The following CIT variants were observed in gnomAD, a reference collection of about 807,000 sequenced individuals.
CIT encodes citron rho-interacting serine/threonine kinase.
CIT carries 79 observed loss-of-function variants against 272.7 expected under a neutral mutation model. The ratio of observed to expected loss-of-function variants is 0.29; its 90% CI spans 0.24 to 0.35. The LOEUF is 0.35. Among genes scored for constraint, CIT ranks in the 10% least tolerant of loss-of-function variants. The pLI, the probability that CIT is intolerant of heterozygous loss-of-function variation, is 1.00. For synonymous variants in CIT, 948 were observed against 995.6 expected, an observed-to-expected ratio of 0.95 and a Z score of 0.90; for missense variants, 1,909 against 2,618.3, an observed-to-expected ratio of 0.73 and a Z score of 5.91.
rs1957126249 is a variant in CIT, at chr12:119,710,862, T to G, written c.4855-242A>C. ...CATCTGAGTTATAATTTGGCTGGGA[T>G]GCAGAAATAAGGGAGGGTAGTAGAC... On this transcript the variant is annotated intron_variant, in intron 37 of 47. Coordinates refer to ENST00000392521, the MANE Select transcript of CIT (RefSeq NM_001206999.2). The surrounding 1 kb of genome is among the most constrained non-coding windows in gnomAD (Gnocchi z 5.6). 1 of 625,200 alleles carries G rather than the reference T, an allele frequency of 1.6e-6. No homozygotes were observed. Among genetic ancestry groups the G allele is most frequent in the Non-Finnish European group, 2.7e-6 (1 of 372,450 alleles). The allele number at this position is 625,200 out of a possible 1,614,324, so 38.7% of individuals were successfully genotyped here.
intron 23 of CIT, chr12:119,742,939 G>A (rs1959131904): frequency 6.6e-6 from 1 of 152,220 alleles, no homozygotes. Flanking sequence ...AAGACAAAGG[G>A]ACTTTGTGTG....
At chr12:119,733,544 C>CA (rs1156258513) in intron 26 of CIT, among the ~76,000 whole-genome samples, 5 of 134,570 alleles carry the variant, frequency 3.7e-5, no homozygotes, top group Non-Finnish European at 6.4e-5. Context: ...AAAAAAAAAA[C>CA]AAAAAAAACC....
intron 7 of CIT, 69 bp from the exon 8 acceptor site, chr12:119,825,437 C>T (rs1367172069): frequency 3.6e-6 from 5 of 1,405,576 alleles, no homozygotes; most frequent in Non-Finnish European, 5.0e-6. Flanking sequence ...CCAACAGCCA[C>T]ATTTCAGACA....
rs1039853639 is a variant in CIT, at chr12:119,804,514, C to T, written c.1112-1125G>A. On this transcript the variant is annotated intron_variant, in intron 9 of 47. Transcript: ENST00000392521. The surrounding 1 kb of genome is among the most constrained non-coding windows in gnomAD (Gnocchi z 5.3). ...AGTGACAGAGCAGCATGAGTCACTG[C>T]CCGCCAGGGCTCGCTAGAGCTCCCC... 32 of 876,574 alleles carry T rather than the reference C, an allele frequency of 3.7e-5. No homozygotes were observed. Among genetic ancestry groups the T allele is most frequent in the Non-Finnish European group, 4.4e-5 (32 of 733,972 alleles). 54.3% of individuals were successfully genotyped at this position (876,574 alleles called of 1,614,324 possible). A position where few individuals can be genotyped will look rare whatever the true frequency, so the allele number is the denominator to read the frequency against.
chr12:119,725,554 T>G (rs1250890678), intron 28 of CIT, among the ~76,000 whole-genome samples: 1 of 152,198 alleles, frequency 6.6e-6, no homozygotes, highest in African/African-American at 2.4e-5. Flanking sequence ...ATGTGGACAA[T>G]AAAGAGCATT....
At chr12:119,703,018 T>A (rs1317280465) in intron 41 of CIT, among the ~76,000 whole-genome samples, 2 of 152,194 alleles carry the variant, frequency 1.3e-5, no homozygotes, top group African/African-American at 4.8e-5. Context: ...CCGGGAATCA[T>A]AAAGAAGCAA....
At position 119,804,917 on chromosome 12, in the gene CIT, T is replaced by A. The variant is rs1478862420; in HGVS notation, c.1112-1528A>T. ...CCAGTCTCTCAAGAGAATTTAAATC[T>A]TCCCTGTTAGTGTCAGAATCTACTT... On this transcript the variant is annotated intron_variant, in intron 9 of 47. Coordinates refer to ENST00000392521, the MANE Select transcript of CIT (RefSeq NM_001206999.2). The surrounding 1 kb of genome is among the most constrained non-coding windows in gnomAD (Gnocchi z 5.3). 6.6e-6 allele frequency among the ~76,000 whole-genome samples: 1 copy of A among 152,206 alleles called. No individual in the cohort carries two copies. The highest frequency in any genetic ancestry group is 1.5e-5 in the Non-Finnish European group (1 of 68,046).
intron 23 of CIT, among the ~76,000 whole-genome samples, chr12:119,743,989 TAAGA>T (rs1959171644): frequency 6.6e-6 from 1 of 152,208 alleles, no homozygotes; most frequent in Non-Finnish European, 1.5e-5. Context: ...TGGAAAATTT[TAAGA>T]AAGAAAGTGA....
intron 8 of CIT, 123 bp downstream of exon 8, chr12:119,825,042 C>T: frequency 1.4e-6 from 1 of 714,092 alleles, no homozygotes. Flanking sequence ...CCTCGTGATC[C>T]ACCCACCTCG....
chr12:119,697,829 G>A lies in CIT; in HGVS notation c.5712C>T (p.Ala1904=). 3 of 1,614,056 alleles carry A rather than the reference G, an allele frequency of 1.9e-6. No individual in the cohort carries two copies. The highest frequency in any genetic ancestry group is 2.5e-6 in the Non-Finnish European group (3 of 1,179,994). The change falls in exon 46 of 48, where the codon GCC becomes GCT. Residue 1904 remains alanine, a synonymous_variant. Coordinates refer to ENST00000392521, the MANE Select transcript of CIT (RefSeq NM_001206999.2). This position sits in a 1 kb window ranked among gnomAD's most constrained non-coding sequence, Gnocchi z 4.9. ...IQARSSAGTP[A]RAYLDIPNPR... is the part of the protein sequence containing the mutation. The stretch of plus-strand genomic sequence containing the variant: ...GGTTCGGGATGTCCAGGTACGCTCG[G>A]GCAGGGGTCCTGCAGAGTCCCAGAG...
intron 6 of CIT, 43 bp downstream of exon 6, chr12:119,834,043 A>G: frequency 6.4e-7 from 1 of 1,562,734 alleles, no homozygotes; most frequent in South Asian, 1.2e-5. Flanking sequence ...TATGCGACAC[A>G]GGAAAATCCT....
intron 3 of CIT, among the ~76,000 whole-genome samples, chr12:119,864,078 G>T (rs775873025): frequency 1.3e-5 from 2 of 151,208 alleles, no homozygotes; most frequent in Non-Finnish European, 2.9e-5. Flanking sequence ...TCAGATGCAC[G>T]TTTAACCTTC....
rs374314458 is a variant in CIT at position 119,735,368 on chromosome 12, A to C, written c.2959-11T>G. The C allele has an allele frequency of 1.0e-4, 168 of 1,613,598 alleles. No homozygotes were observed. Among genetic ancestry groups the C allele is most frequent in the Non-Finnish European group, 1.4e-4 (162 of 1,179,594 alleles). ...CAGGTCTGTGATTACCTAAAAGAGG[A>C]AAGGAATCCAGTTACACGCCAAGCA... On this transcript the variant is annotated splice_polypyrimidine_tract_variant and intron_variant, in intron 24 of 47. Coordinates refer to ENST00000392521, the MANE Select transcript of CIT (RefSeq NM_001206999.2).
intron 9 of CIT, among the ~76,000 whole-genome samples, chr12:119,821,227 G>A (rs972468434): frequency 2.6e-5 from 4 of 151,714 alleles, no homozygotes; most frequent in Non-Finnish European, 5.9e-5. Flanking sequence ...CCCAAGAGGC[G>A]GAGGTTGCAG....
chr12:119,743,220 G>C (rs893595810), intron 23 of CIT, among the ~76,000 whole-genome samples: 24 of 151,664 alleles, frequency 1.6e-4, no homozygotes, highest in African/African-American at 5.6e-4. Flanking sequence ...AAAACAAATA[G>C]GGACCAGTTT....
At chr12:119,857,770 A>C (rs1391802591) in intron 3 of CIT, 72 bp from the exon 4 acceptor site, 1 of 1,402,340 alleles carries the variant, frequency 7.1e-7, no homozygotes, top group Non-Finnish European at 9.7e-7. Flanking sequence ...GAAAGAAAAA[A>C]AAAAAAGAAA....
intron 10 of CIT, among the ~76,000 whole-genome samples, chr12:119,798,019 G>A (rs1226377103): frequency 6.6e-6 from 1 of 152,156 alleles, no homozygotes; most frequent in Non-Finnish European, 1.5e-5. Flanking sequence ...TCCTCTCTTT[G>A]CCAAGCTTAA....
intron 47 of CIT, among the ~76,000 whole-genome samples, chr12:119,689,931 G>A (rs1955837546): frequency 6.6e-6 from 1 of 151,864 alleles, no homozygotes; most frequent in African/African-American, 2.4e-5. Flanking sequence ...CACCCGCCTC[G>A]GCCTCCCAAA....
chr12:119,766,961 T>C, intron 19 of CIT, 126 bp downstream of exon 19: 1 of 490,094 alleles, frequency 2.0e-6, no homozygotes, highest in Admixed American at 4.0e-5. Flanking sequence ...CACCATGGAA[T>C]AAGGACATTA....
Sources: allele counts gnomAD v4.1 joint callset (sites outside exome capture counted in the v4.1 genomes callset), GRCh38; gene constraint gnomAD v4.1.1; non-coding constraint Gnocchi (gnomAD v3.1); transcripts MANE v1.5; gene names NCBI Gene and HGNC (gene_info 2026-07-23, HGNC 2026-07-21).